Variants in KIAA1958 observed in about 807,000 individuals in gnomAD.
KIAA1958 encodes the protein uncharacterized protein KIAA1958.
In KIAA1958, 14 loss-of-function variants were observed where a neutral mutation model predicts 47.2. The ratio of observed to expected loss-of-function variants is 0.30; its 90% confidence interval spans 0.20 to 0.46. The LOEUF is 0.46. Ranked by LOEUF, KIAA1958 falls within the 20% of genes least tolerant of loss-of-function variation. The pLI is 1.00. For missense variants in KIAA1958, 803 were observed against 909.2 expected, an observed-to-expected ratio of 0.88 and a Z score of 1.50; for synonymous variants, 354 against 353.3, an observed-to-expected ratio of 1.00 and a Z score of -0.02.
In KIAA1958 at chr9:112,574,549, G is replaced by A; in HGVS notation, c.469G>A (p.Asp157Asn). The change falls in exon 2 of 4, where the codon GAT (aspartate) becomes AAT (asparagine). Residue 157 changes from aspartate to asparagine, a missense_variant. This residue lies in a region of KIAA1958 where 761 missense variants were observed against 829.3 expected (regional missense o/e 0.92). Coordinates refer to ENST00000337530, the MANE Select transcript of KIAA1958 (RefSeq NM_133465.4). ...MVCESSVTDEDSDFEPQTQRP... is the reference protein window; with the variant it reads ...MVCESSVTDENSDFEPQTQRP... ...TTGTGAGTCTTCTGTTACAGATGAG[G>A]ATAGTGACTTTGAACCCCAAACCCA... is the stretch of plus-strand genomic sequence containing the variant. The A allele has an allele frequency of 6.2e-7, 1 of 1,614,126 alleles. No homozygotes were observed. Among genetic ancestry groups the A allele is most frequent in the Non-Finnish European group, 8.5e-7 (1 of 1,180,020 alleles).
intron 1 of KIAA1958, among the ~76,000 whole-genome samples, chr9:112,527,860 C>T (rs1834684706): frequency 6.6e-6 from 1 of 151,558 alleles, no homozygotes; most frequent in African/African-American, 2.4e-5. Context: ...TCACTTGAAC[C>T]TGGGAAGCGG....
intron 3 of KIAA1958, among the ~76,000 whole-genome samples, chr9:112,657,017 A>G (rs1164917020): frequency 6.6e-6 from 1 of 152,134 alleles, no homozygotes; most frequent in Non-Finnish European, 1.5e-5. Flanking sequence ...TCAACTTTAT[A>G]GGTCTTTTCA....
intron 1 of KIAA1958, among the ~76,000 whole-genome samples, chr9:112,518,363 A>C (rs1301494074): frequency 6.6e-6 from 1 of 152,254 alleles, no homozygotes; most frequent in East Asian, 1.9e-4. Flanking sequence ...ATATACATAC[A>C]AGGGCATATC....
In KIAA1958 at chr9:112,574,292, G is replaced by T. The variant is rs2131173718; in HGVS notation, c.212G>T (p.Arg71Met). Reference protein sequence around the residue: ...TATCRAGSQERVCFQDNRSFN... With the variant: ...TATCRAGSQEMVCFQDNRSFN... The stretch of plus-strand genomic sequence containing the variant: ...ACTTGCAGAGCTGGGTCCCAAGAGA[G>T]GGTCTGTTTCCAGGATAACAGAAGT... Residue 71 changes from arginine (R) to methionine (M), a missense_variant, in exon 2 of 4, where the codon AGG becomes ATG. By Grantham distance (91) the Arg-to-Met change is moderately conservative (BLOSUM62 -1). Around this residue, in one of 2 missense-constraint regions of KIAA1958, gnomAD observed 761 missense variants for 829.3 expected, o/e 0.92. Coordinates refer to ENST00000337530, the MANE Select transcript of KIAA1958 (RefSeq NM_133465.4). 2 of 1,614,122 alleles carry T rather than the reference G, an allele frequency of 1.2e-6. No homozygotes were observed. The highest frequency in any genetic ancestry group is 1.7e-6 in the Non-Finnish European group (2 of 1,179,980).
intron 2 of KIAA1958, among the ~76,000 whole-genome samples, chr9:112,630,533 G>C (rs1316031053): frequency 6.6e-6 from 1 of 152,138 alleles, no homozygotes; most frequent in Non-Finnish European, 1.5e-5. Flanking sequence ...GAGATACCGT[G>C]TTCTAAAATT....
At chr9:112,589,321 G>A (rs1402258116) in intron 2 of KIAA1958, among the ~76,000 whole-genome samples, 1 of 152,084 alleles carries the variant, frequency 6.6e-6, no homozygotes, top group Non-Finnish European at 1.5e-5. Flanking sequence ...GACAGGCTGG[G>A]CGCAGTGGCT....
chr9:112,641,737 T>A (rs1836895072), intron 2 of KIAA1958, among the ~76,000 whole-genome samples: 1 of 152,198 alleles, frequency 6.6e-6, no homozygotes, highest in Non-Finnish European at 1.5e-5. Context: ...GGAAGAGTCC[T>A]TCTAGATCAC....
chr9:112,499,813 C>T (rs1489547290), intron 1 of KIAA1958, among the ~76,000 whole-genome samples: 2 of 151,286 alleles, frequency 1.3e-5, no homozygotes, highest in Non-Finnish European at 2.9e-5. Flanking sequence ...CTCAGCCTCC[C>T]GAGTAGCTGG....
chr9:112,526,675 G>T (rs1020366837), intron 1 of KIAA1958, among the ~76,000 whole-genome samples: 2 of 152,166 alleles, frequency 1.3e-5, no homozygotes, highest in Admixed American at 1.3e-4. Context: ...AAGGCAAGAT[G>T]GTAAGAGAGA....
At chr9:112,558,509 A>T (rs1001752757) in intron 1 of KIAA1958, among the ~76,000 whole-genome samples, 2 of 152,170 alleles carry the variant, frequency 1.3e-5, no homozygotes, top group African/African-American at 4.8e-5. Flanking sequence ...TACTTCTTTG[A>T]ATATTTTCTA....
chr9:112,604,379 T>C (rs1836188637), intron 2 of KIAA1958, among the ~76,000 whole-genome samples: 1 of 152,222 alleles, frequency 6.6e-6, no homozygotes, highest in Non-Finnish European at 1.5e-5. Flanking sequence ...TTTCGATCTG[T>C]CGGCTACATT....
chr9:112,570,921 G>A (rs1835522033), intron 1 of KIAA1958, among the ~76,000 whole-genome samples: 1 of 152,226 alleles, frequency 6.6e-6, no homozygotes, highest in Non-Finnish European at 1.5e-5. Flanking sequence ...GAAAGGCCGG[G>A]ACCTGGGAAC....
intron 2 of KIAA1958, among the ~76,000 whole-genome samples, chr9:112,620,418 C>A (rs1836482722): frequency 6.6e-6 from 1 of 152,168 alleles, no homozygotes; most frequent in East Asian, 1.9e-4. Context: ...ATAACCAGGA[C>A]AAATTTCATT....
At chr9:112,549,624 AG>A (rs1428679118) in intron 1 of KIAA1958, among the ~76,000 whole-genome samples, 7 of 152,212 alleles carry the variant, frequency 4.6e-5, no homozygotes, top group Non-Finnish European at 8.8e-5. Context: ...ATACTCTGGT[AG>A]GGGTAGACAT....
chr9:112,496,638 T>G (rs1834056003), intron 1 of KIAA1958, among the ~76,000 whole-genome samples: 1 of 152,206 alleles, frequency 6.6e-6, no homozygotes, highest in African/African-American at 2.4e-5. Context: ...ATTAACCTCC[T>G]CTGGGTATCT....
chr9:112,659,681 A>AC lies in KIAA1958; in HGVS notation c.1768dup (p.Gln590ProfsTer31). ...TATGGTGACATCGAGCTGCTCAAAG[A>AC]CCCCCAAAACCAGCCCTACTTTGCC... On this transcript the variant is annotated frameshift_variant, in exon 4 of 4. Transcript: ENST00000337530. LOFTEE classifies it high-confidence loss of function. The AC allele has an allele frequency of 1.2e-6, 2 of 1,613,904 alleles. No individual in the cohort carries two copies. Among genetic ancestry groups the AC allele is most frequent in the Non-Finnish European group, 8.5e-7 (1 of 1,179,974 alleles).
chr9:112,522,284 T>C (rs746541689), intron 1 of KIAA1958, among the ~76,000 whole-genome samples: 2 of 152,238 alleles, frequency 1.3e-5, no homozygotes, highest in Non-Finnish European at 2.9e-5. Context: ...TAAAGAACTT[T>C]TTCCTAAGAA....
At chr9:112,603,385 C>T (rs1181755204) in intron 2 of KIAA1958, among the ~76,000 whole-genome samples, 1 of 152,190 alleles carries the variant, frequency 6.6e-6, no homozygotes, top group Non-Finnish European at 1.5e-5. Flanking sequence ...TGGTGTCTTA[C>T]AGCCTATGAG....
intron 2 of KIAA1958, among the ~76,000 whole-genome samples, chr9:112,614,007 T>C (rs1836370265): frequency 6.6e-6 from 1 of 152,124 alleles, no homozygotes; most frequent in Non-Finnish European, 1.5e-5. Context: ...TGAAAACTAA[T>C]AGAATGCAAT....
Sources: gnomAD v4.1 joint callset for allele counts (sites outside exome capture counted in the v4.1 genomes callset) on GRCh38, gnomAD v4.1.1 for gene constraint, gnomAD v4.1.1 regional missense constraint, MANE v1.5 for transcripts, NCBI Gene and HGNC (gene_info 2026-07-23, HGNC 2026-07-21) for gene names.